The following EPHB2 variants were observed in gnomAD, a reference collection of about 807,000 sequenced individuals.
EPHB2 encodes the protein ephrin type-B receptor 2.
Under a neutral mutation model 96.4 loss-of-function variants are expected in EPHB2, and 18 were observed. The observed-to-expected ratio is 0.19, with a 90% confidence interval of 0.13 to 0.28. The LOEUF (loss-of-function observed/expected upper bound fraction) is 0.28. Among genes scored for constraint, EPHB2 ranks in the 10% least tolerant of loss-of-function variants. EPHB2 has a pLI of 1.00. For synonymous variants in EPHB2, 506 were observed against 534.1 expected, an observed-to-expected ratio of 0.95 and a Z score of 0.72; for missense variants, 989 against 1,355.4, an observed-to-expected ratio of 0.73 and a Z score of 4.25.
At chr1:22,715,531 T>G (rs1367458664) in intron 1 of EPHB2, among the ~76,000 whole-genome samples, 2 of 152,262 alleles carry the variant, frequency 1.3e-5, no homozygotes, top group Non-Finnish European at 2.9e-5. Context: ...TTTCCTTTTA[T>G]GTCTGTTTCT....
chr1:22,725,956 TTC>T (rs779481740), intron 1 of EPHB2, among the ~76,000 whole-genome samples: 69 of 152,354 alleles, frequency 4.5e-4, no homozygotes, highest in Non-Finnish European at 8.4e-4. Flanking sequence ...GCTGCTAGGC[TTC>T]TGGGATAGCA....
At chr1:22,880,393 A>G (rs760988716) in intron 5 of EPHB2, among the ~76,000 whole-genome samples, 1 of 152,182 alleles carries the variant, frequency 6.6e-6, no homozygotes, top group Non-Finnish European at 1.5e-5. Flanking sequence ...TCCACTTTCC[A>G]GTGTCCTTGT....
chr1:22,720,836 T>G (rs1378768976), intron 1 of EPHB2, among the ~76,000 whole-genome samples: 1 of 152,122 alleles, frequency 6.6e-6, no homozygotes, highest in African/African-American at 2.4e-5. Context: ...AATGGCAGCC[T>G]GGAGTTGTAG....
intron 3 of EPHB2, among the ~76,000 whole-genome samples, chr1:22,787,435 C>A (rs1397000470): frequency 6.6e-6 from 1 of 152,116 alleles, no homozygotes; most frequent in Non-Finnish European, 1.5e-5. Context: ...AAGGTATATT[C>A]ATTACCTATT....
chr1:22,747,370 C>T (rs541440322), intron 1 of EPHB2, among the ~76,000 whole-genome samples: 104 of 152,304 alleles, frequency 6.8e-4, no homozygotes, highest in African/African-American at 2.4e-3. Context: ...TTGACATTGC[C>T]CCCAGGTGGT....
chr1:22,785,698 C>T (rs1644601520), intron 3 of EPHB2, among the ~76,000 whole-genome samples: 1 of 152,216 alleles, frequency 6.6e-6, no homozygotes, highest in Non-Finnish European at 1.5e-5. Flanking sequence ...GGAATGCGCC[C>T]CCGCCATAAC....
chr1:22,768,219 C>T (rs1056203103), intron 1 of EPHB2, among the ~76,000 whole-genome samples: 2 of 152,210 alleles, frequency 1.3e-5, no homozygotes, highest in Non-Finnish European at 2.9e-5. Context: ...TTCTCTGCTC[C>T]TGACCAGCTG....
intron 1 of EPHB2, among the ~76,000 whole-genome samples, chr1:22,743,918 G>T (rs1223983582): frequency 6.6e-6 from 1 of 152,166 alleles, no homozygotes; most frequent in East Asian, 1.9e-4. Flanking sequence ...GCTTGATATG[G>T]CATCCGGGGC....
chr1:22,751,540 C>G (rs1182615609), intron 1 of EPHB2, among the ~76,000 whole-genome samples: 3 of 152,232 alleles, frequency 2.0e-5, no homozygotes, highest in African/African-American at 7.2e-5. Flanking sequence ...TGTCCTCAGC[C>G]TGCTGGTCAG....
intron 1 of EPHB2, among the ~76,000 whole-genome samples, chr1:22,754,654 A>G (rs2148384504): frequency 6.6e-6 from 1 of 150,820 alleles, no homozygotes; most frequent in African/African-American, 2.4e-5. Context: ...ACACCTCAGA[A>G]CTGCCACCCG....
chr1:22,868,413 A>G (rs545904008), intron 5 of EPHB2, among the ~76,000 whole-genome samples: 2 of 152,342 alleles, frequency 1.3e-5, no homozygotes, highest in South Asian at 2.1e-4. Flanking sequence ...TACTCCTGCA[A>G]TAATGCTGCA....
At chr1:22,848,942 A>G (rs1645583490) in intron 3 of EPHB2, among the ~76,000 whole-genome samples, 1 of 152,036 alleles carries the variant, frequency 6.6e-6, no homozygotes, top group Middle Eastern at 3.2e-3. Context: ...TGGGGATGGC[A>G]CTTCATTGCT....
chr1:22,750,443 T>C (rs533538958), intron 1 of EPHB2, among the ~76,000 whole-genome samples: 2 of 152,330 alleles, frequency 1.3e-5, no homozygotes, highest in South Asian at 4.1e-4. Flanking sequence ...TGTGTTTACA[T>C]GAGTGTCAGA....
chr1:22,737,393 T>C (rs1023072830), intron 1 of EPHB2, among the ~76,000 whole-genome samples: 12 of 152,222 alleles, frequency 7.9e-5, no homozygotes, highest in African/African-American at 2.9e-4. Flanking sequence ...TCTCTGCCTG[T>C]CCTTGTCATC....
intron 1 of EPHB2, among the ~76,000 whole-genome samples, chr1:22,739,767 G>T (rs1165370903): frequency 6.6e-6 from 1 of 152,132 alleles, no homozygotes; most frequent in Non-Finnish European, 1.5e-5. Flanking sequence ...CTGAGCCTGC[G>T]CAGCAGCCCA....
intron 3 of EPHB2, among the ~76,000 whole-genome samples, chr1:22,836,173 A>G (rs1338647782): frequency 6.6e-6 from 1 of 151,880 alleles, no homozygotes; most frequent in Admixed American, 6.5e-5. Context: ...GCCGCTTTTG[A>G]TTTCCCCAAA....
chr1:22,805,688 G>T (rs1324606042), intron 3 of EPHB2, among the ~76,000 whole-genome samples: 1 of 152,198 alleles, frequency 6.6e-6, no homozygotes, highest in Non-Finnish European at 1.5e-5. Context: ...GGTGGGAATG[G>T]GGGTGAGGGT....
chr1:22,722,979 T>C (rs1643500348), intron 1 of EPHB2, among the ~76,000 whole-genome samples: 1 of 152,116 alleles, frequency 6.6e-6, no homozygotes, highest in Admixed American at 6.6e-5. Flanking sequence ...TGTGATGTAT[T>C]TGGGGAGCTG....
chr1:22,814,524 C>T (rs61637611), intron 3 of EPHB2, among the ~76,000 whole-genome samples: 16,955 of 152,236 alleles, frequency 0.11, 1,617 homozygotes, highest in East Asian at 0.56. Flanking sequence ...CTCTGTACCA[C>T]GCTCTGCCCT....
Sources: gnomAD v4.1 joint callset for allele counts (sites outside exome capture counted in the v4.1 genomes callset) on GRCh38, gnomAD v4.1.1 for gene constraint, MANE v1.5 for transcripts, NCBI Gene and HGNC (gene_info 2026-07-23, HGNC 2026-07-21) for gene names.